Variants in SLC5A3 observed in about 807,000 individuals in gnomAD.
SLC5A3 encodes sodium/myo-inositol cotransporter.
Under a neutral mutation model 43.2 loss-of-function variants are expected in SLC5A3, and 10 were observed. The observed-to-expected ratio is 0.23, with a 90% CI of 0.14 to 0.39. SLC5A3 has a LOEUF of 0.39. Ranked by LOEUF, SLC5A3 falls within the 10% of genes least tolerant of loss-of-function variation. The probability of loss-of-function intolerance (pLI) is 1.00; values close to 1 mark genes in which losing one functional copy is unlikely to be tolerated. For synonymous variants in SLC5A3, 349 were observed against 322.0 expected (o/e 1.08, Z -0.90); for missense variants, 608 against 893.4 (o/e 0.68, Z 4.07).
rs962679811 is a variant in SLC5A3 at position 34,073,609 on chromosome 21, C to G, written c.-473C>G. On this transcript the variant is annotated 5_prime_UTR_variant, in exon 1 of 2. Transcript: ENST00000381151. The stretch of plus-strand genomic sequence containing the variant: ...GCCGCCTGGGAGCCGTCCGGCGCAG[C>G]AGTTTCTAGGTCCCCACTGTCCCCG... 11 of 1,134,306 alleles carry G rather than the reference C, an allele frequency of 9.7e-6. No individual in the cohort carries two copies. Among genetic ancestry groups the G allele is most frequent in the Non-Finnish European group, 1.4e-5 (11 of 803,630 alleles). The allele number at this position is 1,134,306 out of a possible 1,614,324, so 70.3% of individuals were successfully genotyped here. A position where few individuals can be genotyped will look rare whatever the true frequency, so the allele number is the denominator to read the frequency against.
Position 34,102,442 on chromosome 21 carries a change from A to G in SLC5A3, c.*5087A>G. The G allele has an allele frequency of 1.0e-6, 1 of 1,000,084 alleles. No individual in the cohort carries two copies. The highest frequency in any genetic ancestry group is 4.7e-5 in the South Asian group (1 of 21,288). The allele number at this position is 1,000,084 out of a possible 1,614,324, so 62.0% of individuals were successfully genotyped here. ...TTAGTTTTTTTGTTTTGGGGTAAGC[A>G]CCTAATTTATCCAGTAACCAACAAC... On this transcript the variant is annotated 3_prime_UTR_variant, in exon 2 of 2. Transcript: ENST00000381151.
In SLC5A3 at chr21:34,102,900, A is replaced by G; in HGVS notation, c.*5545A>G. 5 of 999,762 alleles carry G rather than the reference A, an allele frequency of 5.0e-6. No homozygotes were observed. The highest frequency in any genetic ancestry group is 6.0e-6 in the Non-Finnish European group (5 of 829,894). The allele number at this position is 999,762 out of a possible 1,614,324, so 61.9% of individuals were successfully genotyped here. ...ATTACAGTGAATTCGACAACCGCAC[A>G]AGTTGGCAGTAGGTATCCCCAACCT... On this transcript the variant is annotated 3_prime_UTR_variant, in exon 2 of 2. Transcript: ENST00000381151.
rs539706961 is a variant in SLC5A3, at chr21:34,097,800, A to T, written c.*445A>T. 1 of 1,000,538 alleles carries T rather than the reference A, an allele frequency of 1.0e-6. No homozygotes were observed. The highest frequency in any genetic ancestry group is 1.2e-6 in the Non-Finnish European group (1 of 830,014). The allele number at this position is 1,000,538 out of a possible 1,614,324, so 62.0% of individuals were successfully genotyped here. On this transcript the variant is annotated 3_prime_UTR_variant, in exon 2 of 2. Coordinates refer to ENST00000381151, the MANE Select transcript of SLC5A3 (RefSeq NM_006933.7). ...ATTAAGAAAAACTTATTTCTTAGAC[A>T]TTGTACAATCAGTTATGTACTGAAA... is the stretch of plus-strand genomic sequence containing the variant.
intron 1 of SLC5A3, among the ~76,000 whole-genome samples, chr21:34,075,330 C>G (rs897267872): frequency 6.6e-6 from 1 of 152,200 alleles, no homozygotes; most frequent in Non-Finnish European, 1.5e-5. Context: ...AAGACTTGCC[C>G]TCCCCTTTGT....
In SLC5A3 at chr21:34,101,333, C is replaced by G; in HGVS notation, c.*3978C>G. 2.0e-6 allele frequency: 2 copies of G among 999,976 alleles called. No individual in the cohort carries two copies. The highest frequency in any genetic ancestry group is 1.2e-6 in the Non-Finnish European group (1 of 829,898). The allele number at this position is 999,976 out of a possible 1,614,324, so 61.9% of individuals were successfully genotyped here. Reference sequence around the variant, plus strand: ...ATAAATAAGTTTCAGCTTTTTAAACCCTGGTTTGATGTTAAGCATTATAAA... The same window carrying G: ...ATAAATAAGTTTCAGCTTTTTAAACGCTGGTTTGATGTTAAGCATTATAAA... On this transcript the variant is annotated 3_prime_UTR_variant, in exon 2 of 2. Coordinates refer to ENST00000381151, the MANE Select transcript of SLC5A3 (RefSeq NM_006933.7).
At position 34,095,376 on chromosome 21, in the gene SLC5A3, A is replaced by G; in HGVS notation, c.178A>G (p.Ile60Val). The G allele has an allele frequency of 6.2e-7, 1 of 1,614,084 alleles. No individual in the cohort carries two copies. ...TGGTGCCTCTCTGTTTGTGAGCAATATTGGGAGTGAGCACTTCATTGGGCT... is the reference window on the plus strand; with the variant it reads ...TGGTGCCTCTCTGTTTGTGAGCAATGTTGGGAGTGAGCACTTCATTGGGCT... ...AIGASLFVSNIGSEHFIGLAG... is the reference protein window; with the variant it reads ...AIGASLFVSNVGSEHFIGLAG... Residue 60 changes from isoleucine to valine, a missense_variant, in exon 2 of 2, where the codon ATT (isoleucine) becomes GTT (valine). Ile to Val is a conservative substitution (Grantham distance 29, BLOSUM62 3). This residue lies in a region of SLC5A3 where 398 missense variants were observed against 668.6 expected (regional missense o/e 0.60). Coordinates refer to ENST00000381151, the MANE Select transcript of SLC5A3 (RefSeq NM_006933.7).
chr21:34,100,391 C>T lies in SLC5A3; in HGVS notation c.*3036C>T, dbSNP rs1388495973. 2.1e-5 allele frequency: 21 copies of T among 1,000,048 alleles called. No homozygotes were observed. The highest frequency in any genetic ancestry group is 4.7e-5 in the South Asian group (1 of 21,286). The allele number at this position is 1,000,048 out of a possible 1,614,324, so 61.9% of individuals were successfully genotyped here. ...ACCCCCAGAGAGTAAACACTTGAGC[C>T]GATTTCTTCTTCCCCAGCTATTCTT... On this transcript the variant is annotated 3_prime_UTR_variant, in exon 2 of 2. Transcript: ENST00000381151.
In SLC5A3 at chr21:34,101,544, CAG is replaced by C; in HGVS notation, c.*4195_*4196del. 1.0e-6 allele frequency: 1 copy of C among 1,000,156 alleles called. No homozygotes were observed. The highest frequency in any genetic ancestry group is 1.2e-6 in the Non-Finnish European group (1 of 829,910). The allele number at this position is 1,000,156 out of a possible 1,614,324, so 62.0% of individuals were successfully genotyped here. A position where few individuals can be genotyped will look rare whatever the true frequency, so the allele number is the denominator to read the frequency against. On this transcript the variant is annotated 3_prime_UTR_variant, in exon 2 of 2. Transcript: ENST00000381151. Reference sequence around the variant, plus strand: ...TATGTGTATATGCCCACTTACCATTCAGAGAGACTGGTCTTTCTCTTTGTCTT... The same window carrying C: ...TATGTGTATATGCCCACTTACCATTCAGAGACTGGTCTTTCTCTTTGTCTT...
chr21:34,076,527 A>G (rs1989335652), intron 1 of SLC5A3, among the ~76,000 whole-genome samples: 1 of 152,204 alleles, frequency 6.6e-6, no homozygotes, highest in Non-Finnish European at 1.5e-5. Context: ...GTTGATTATG[A>G]GTATCTACTT....
At position 34,101,485 on chromosome 21, in the gene SLC5A3, G is replaced by A. The variant is rs1979235112; in HGVS notation, c.*4130G>A. 1.0e-6 allele frequency: 1 copy of A among 1,000,090 alleles called. No individual in the cohort carries two copies. The highest frequency in any genetic ancestry group is 1.1e-4 in the East Asian group (1 of 8,814). 62.0% of individuals were successfully genotyped at this position (1,000,090 alleles called of 1,614,324 possible). On this transcript the variant is annotated 3_prime_UTR_variant, in exon 2 of 2. Transcript: ENST00000381151. ...GGCATTTCAGTGTTGATAATAGCCT[G>A]AGCAGACTTCTTTACAAATGGGATC...
At position 34,098,475 on chromosome 21, in the gene SLC5A3, C is replaced by G; in HGVS notation, c.*1120C>G. On this transcript the variant is annotated 3_prime_UTR_variant, in exon 2 of 2. Coordinates refer to ENST00000381151, the MANE Select transcript of SLC5A3 (RefSeq NM_006933.7). ...AAGTTTTTCCCTGATTTTTTTTTTCCTCAAAAGACTTTCCATCTGTACACA... is the reference window on the plus strand; with the variant it reads ...AAGTTTTTCCCTGATTTTTTTTTTCGTCAAAAGACTTTCCATCTGTACACA... 2.0e-6 allele frequency: 2 copies of G among 999,258 alleles called. No individual in the cohort carries two copies. Among genetic ancestry groups the G allele is most frequent in the African/African-American group, 3.5e-5 (2 of 57,056 alleles). The allele number at this position is 999,258 out of a possible 1,614,324, so 61.9% of individuals were successfully genotyped here.
chr21:34,103,096 G>A lies in SLC5A3; in HGVS notation c.*5741G>A, dbSNP rs1979320152. On this transcript the variant is annotated 3_prime_UTR_variant, in exon 2 of 2. Transcript: ENST00000381151. ...AACTCATCTTTTTGTTGTTATAATT[G>A]GAAACAGAAACGAGGCTTATTGCTA... 3 of 999,932 alleles carry A rather than the reference G, an allele frequency of 3.0e-6. No individual in the cohort carries two copies. Among genetic ancestry groups the A allele is most frequent in the Non-Finnish European group, 3.6e-6 (3 of 829,898 alleles). 61.9% of individuals were successfully genotyped at this position (999,932 alleles called of 1,614,324 possible).
chr21:34,085,537 A>G (rs912857041), intron 1 of SLC5A3, among the ~76,000 whole-genome samples: 10 of 151,984 alleles, frequency 6.6e-5, no homozygotes, highest in Admixed American at 5.2e-4. Flanking sequence ...TTGCAGGAGT[A>G]CTTTAAAGCA....
At position 34,100,641 on chromosome 21, in the gene SLC5A3, T is replaced by C. The variant is rs1979194495; in HGVS notation, c.*3286T>C. Reference sequence around the variant, plus strand: ...AAATTAGCTGGGACCCATCACTCTGTGAAACTTCACATTTTAAGAACTGAG... The same window carrying C: ...AAATTAGCTGGGACCCATCACTCTGCGAAACTTCACATTTTAAGAACTGAG... On this transcript the variant is annotated 3_prime_UTR_variant, in exon 2 of 2. Coordinates refer to ENST00000381151, the MANE Select transcript of SLC5A3 (RefSeq NM_006933.7). 9.0e-6 allele frequency: 9 copies of C among 1,000,098 alleles called. No homozygotes were observed. In the South Asian group the frequency reaches 4.2e-4, roughly 47 times the overall value. The allele number at this position is 1,000,098 out of a possible 1,614,324, so 62.0% of individuals were successfully genotyped here.
chr21:34,087,495 A>G (rs959855265), intron 1 of SLC5A3, among the ~76,000 whole-genome samples: 1 of 152,228 alleles, frequency 6.6e-6, no homozygotes, highest in African/African-American at 2.4e-5. Flanking sequence ...GTTTACATAC[A>G]TGGTAGTGAG....
At chr21:34,077,727 T>TGGTAGG (rs1989367524) in intron 1 of SLC5A3, among the ~76,000 whole-genome samples, 1 of 152,208 alleles carries the variant, frequency 6.6e-6, no homozygotes, top group African/African-American at 2.4e-5. Flanking sequence ...AATAGTACTT[T>TGGTAGG]GGTAGGGTAA....
Position 34,101,630 on chromosome 21 carries a change from T to G in SLC5A3, c.*4275T>G. The G allele has an allele frequency of 3.0e-6, 3 of 1,000,200 alleles. No homozygotes were observed. In the African/African-American group the frequency reaches 5.2e-5, roughly 17 times the overall value. The allele number at this position is 1,000,200 out of a possible 1,614,324, so 62.0% of individuals were successfully genotyped here. A position where few individuals can be genotyped will look rare whatever the true frequency, so the allele number is the denominator to read the frequency against. ...CTTTTCAGCACTTAGCAAATTCAAA[T>G]TTTGATTTTTTTGTCAGCTTAGTTC... On this transcript the variant is annotated 3_prime_UTR_variant, in exon 2 of 2. Transcript: ENST00000381151.
Position 34,102,646 on chromosome 21 carries a change from G to T in SLC5A3, c.*5291G>T. On this transcript the variant is annotated 3_prime_UTR_variant, in exon 2 of 2. Coordinates refer to ENST00000381151, the MANE Select transcript of SLC5A3 (RefSeq NM_006933.7). The stretch of plus-strand genomic sequence containing the variant: ...ATGACTCTTAAATTTGGTTACCTGG[G>T]TTCACAGCTTGCTTGAAGAGAAAGG... 1.0e-6 allele frequency: 1 copy of T among 1,000,132 alleles called. No individual in the cohort carries two copies. The highest frequency in any genetic ancestry group is 1.2e-6 in the Non-Finnish European group (1 of 829,890). 62.0% of individuals were successfully genotyped at this position (1,000,132 alleles called of 1,614,324 possible).
At chr21:34,092,150 A>T (rs1461474897) in intron 1 of SLC5A3, among the ~76,000 whole-genome samples, 2 of 152,074 alleles carry the variant, frequency 1.3e-5, no homozygotes, top group Admixed American at 6.5e-5. Flanking sequence ...AACATACTGT[A>T]TATTCAGAAC....
Sources: gnomAD v4.1 joint callset for allele counts (sites outside exome capture counted in the v4.1 genomes callset) on GRCh38, gnomAD v4.1.1 for gene constraint, gnomAD v4.1.1 regional missense constraint, MANE v1.5 for transcripts, NCBI Gene and HGNC (gene_info 2026-07-23, HGNC 2026-07-21) for gene names.